Variants in SLC26A8 observed in about 807,000 individuals in gnomAD.
SLC26A8 encodes solute carrier family 26 member 8.
SLC26A8 carries 70 observed loss-of-function variants against 105.0 expected under a neutral mutation model. The ratio of observed to expected loss-of-function variants is 0.67; its 90% CI spans 0.55 to 0.81. SLC26A8 has a LOEUF of 0.81. Ranked by LOEUF, SLC26A8 falls within the 40% of genes least tolerant of loss-of-function variation. The pLI is 0.00. For synonymous variants in SLC26A8, 415 were observed against 438.3 expected (o/e 0.95, Z 0.66); for missense variants, 998 against 1,181.8 (o/e 0.84, Z 2.28).
intron 19 of SLC26A8, among the ~76,000 whole-genome samples, 157 bp downstream of exon 19, chr6:35,951,006 T>G (rs983741184): frequency 7.2e-5 from 11 of 152,120 alleles, no homozygotes; most frequent in African/African-American, 2.7e-4. Flanking sequence ...CATTTCAACA[T>G]CCCAGATTCT....
chr6:35,943,903 G>C lies in SLC26A8; in HGVS notation c.2910C>G (p.Val970=), dbSNP rs777450236. 6.2e-7 allele frequency: 1 copy of C among 1,613,050 alleles called. No homozygotes were observed. The part of the protein sequence containing the change: ...YSPEGNSNED[V] ...CCCCTTATTTCTAGTTCATCTCCTA[G>C]ACATCTTCATTGCTGTTGCCCTCTG... The change falls in exon 20 of 20, where the codon GTC becomes GTG. Residue 970 remains valine, a synonymous_variant. Coordinates refer to ENST00000490799, the MANE Select transcript of SLC26A8 (RefSeq NM_052961.4).
chr6:35,944,368 T>A (rs557036118), intron 19 of SLC26A8, 28 bp from the exon 20 acceptor site: 3 of 1,524,610 alleles, frequency 2.0e-6, no homozygotes, highest in Non-Finnish European at 2.7e-6. Context: ...GGGTTAAAAT[T>A]TCTAATTAAA....
intron 2 of SLC26A8, among the ~76,000 whole-genome samples, chr6:36,013,515 G>A (rs74692206): frequency 0.079 from 12,014 of 152,160 alleles, 523 homozygotes; most frequent in Non-Finnish European, 0.096. Flanking sequence ...TTGGCAAGTG[G>A]GTAGAGGCTA....
At chr6:35,946,047 C>G (rs1771645377) in intron 19 of SLC26A8, among the ~76,000 whole-genome samples, 1 of 152,102 alleles carries the variant, frequency 6.6e-6, no homozygotes, top group Non-Finnish European at 1.5e-5. Context: ...GATCCTGGGA[C>G]CTTTCTCTTG....
In SLC26A8 at chr6:35,968,970, CA is replaced by C. The variant is rs761957806; in HGVS notation, c.1288-17del. On this transcript the variant is annotated splice_polypyrimidine_tract_variant and intron_variant, in intron 10 of 19. Transcript: ENST00000490799. ...GAGATGCAAACTGAGGAGACAGAGCCAGTTGGAGAGAAACCATCAGGAACGT... is the reference window on the plus strand; with the variant it reads ...GAGATGCAAACTGAGGAGACAGAGCCGTTGGAGAGAAACCATCAGGAACGT... 7.5e-6 allele frequency: 12 copies of C among 1,609,864 alleles called. No homozygotes were observed. The South Asian group carries it at 1.3e-4, about 18-fold the overall frequency.
chr6:36,022,574 A>G (rs1418774522), intron 1 of SLC26A8, among the ~76,000 whole-genome samples: 1 of 152,152 alleles, frequency 6.6e-6, no homozygotes, highest in Non-Finnish European at 1.5e-5. Flanking sequence ...AAAACAGCCA[A>G]TTGGAGACCA....
intron 7 of SLC26A8, among the ~76,000 whole-genome samples, chr6:35,985,502 G>A (rs1004281273): frequency 1.3e-5 from 2 of 151,746 alleles, no homozygotes; most frequent in East Asian, 1.9e-4. Flanking sequence ...AGACCATCCT[G>A]GCCAACATGG....
Position 35,977,221 on chromosome 6 carries a change from T to A in SLC26A8, c.1156A>T (p.Ser386Cys), listed in dbSNP as rs887972884. ...GKKIASLHNY[S>C]VNSNQDLIAI... The stretch of plus-strand genomic sequence containing the variant: ...CCTCTCACCTGGTTGGAATTGACAC[T>A]GTAATTGTGAAGACTGGCAATCTTC... The change falls in exon 9 of 20, where the codon AGT (serine) becomes TGT (cysteine). Residue 386 changes from serine to cysteine, a missense_variant. Coordinates refer to ENST00000490799, the MANE Select transcript of SLC26A8 (RefSeq NM_052961.4). 1.2e-6 allele frequency: 2 copies of A among 1,613,878 alleles called. No homozygotes were observed. Among genetic ancestry groups the A allele is most frequent in the Non-Finnish European group, 1.7e-6 (2 of 1,179,980 alleles).
chr6:35,969,328 G>A (rs530933425), intron 10 of SLC26A8: 6 of 218,410 alleles, frequency 2.7e-5, no homozygotes, highest in East Asian at 1.3e-4. Context: ...GGCCGGGTGC[G>A]GTGGCTCACA....
chr6:35,979,528 G>A (rs1773186773), intron 8 of SLC26A8, among the ~76,000 whole-genome samples: 1 of 152,104 alleles, frequency 6.6e-6, no homozygotes, highest in African/African-American at 2.4e-5. Flanking sequence ...CGTTTTCCAG[G>A]TAATGAGCTA....
chr6:35,993,085 A>G (rs770444695), intron 5 of SLC26A8, among the ~76,000 whole-genome samples: 14 of 150,656 alleles, frequency 9.3e-5, no homozygotes, highest in African/African-American at 2.2e-4. Context: ...TGTAACCTCA[A>G]ACTCCTGGGC....
chr6:35,994,579 T>C (rs1274980916), intron 5 of SLC26A8, among the ~76,000 whole-genome samples: 2 of 142,918 alleles, frequency 1.4e-5, no homozygotes, highest in South Asian at 2.2e-4. Flanking sequence ...CATCATCTCT[T>C]TTTTTTTTTT....
chr6:35,973,464 C>T (rs1168599022), intron 10 of SLC26A8, among the ~76,000 whole-genome samples: 1 of 152,130 alleles, frequency 6.6e-6, no homozygotes, highest in Non-Finnish European at 1.5e-5. Context: ...CTGAGGCCTG[C>T]GGGGCCACAT....
Position 35,944,264 on chromosome 6 carries a change from A to G in SLC26A8, c.2549T>C (p.Ile850Thr), listed in dbSNP as rs770157059. 6.2e-7 allele frequency: 1 copy of G among 1,614,090 alleles called. No homozygotes were observed. Among genetic ancestry groups the G allele is most frequent in the South Asian group, 1.1e-5 (1 of 91,088 alleles). Residue 850 changes from isoleucine to threonine, a missense_variant, in exon 20 of 20, where the codon ATC becomes ACC. Physicochemically the swap from Ile to Thr is moderately conservative, Grantham distance 89. Coordinates refer to ENST00000490799, the MANE Select transcript of SLC26A8 (RefSeq NM_052961.4). ...QKNVSPGFIK[I>T]QQPVEEESEL... is the part of the protein sequence containing the mutation. ...CGACTCCTCTTCTACAGGCTGTTGG[A>G]TCTTGATGAAGCCTGGACTTACATT... is the stretch of plus-strand genomic sequence containing the variant.
intron 3 of SLC26A8, among the ~76,000 whole-genome samples, chr6:36,008,084 C>T (rs1024631675): frequency 3.6e-5 from 5 of 140,264 alleles, no homozygotes; most frequent in Admixed American, 3.1e-4. Flanking sequence ...TGAGCCATTG[C>T]ACTCCAGCCT....
chr6:35,948,604 AAAC>A (rs1771756228), intron 19 of SLC26A8, among the ~76,000 whole-genome samples: 3 of 134,238 alleles, frequency 2.2e-5, no homozygotes, highest in African/African-American at 8.2e-5. Flanking sequence ...ACAAAAACAA[AAAC>A]AAAAAACACT....
intron 7 of SLC26A8, among the ~76,000 whole-genome samples, chr6:35,989,185 C>G (rs1358566393): frequency 6.6e-6 from 1 of 152,122 alleles, no homozygotes; most frequent in African/African-American, 2.4e-5. Context: ...AACTGCCACC[C>G]TAACTAACAG....
chr6:35,955,773 C>G (rs1772038219), intron 16 of SLC26A8, among the ~76,000 whole-genome samples: 1 of 152,134 alleles, frequency 6.6e-6, no homozygotes, highest in Non-Finnish European at 1.5e-5. Context: ...CATCACTGTC[C>G]CAGTGAGCCA....
intron 9 of SLC26A8, 76 bp from the exon 10 acceptor site, chr6:35,975,564 T>G (rs978728157): frequency 2.9e-6 from 2 of 697,610 alleles, no homozygotes; most frequent in Non-Finnish European, 4.7e-6. Context: ...GGCATATGGT[T>G]TTTTTTTTTT....
Sources: allele counts gnomAD v4.1 joint callset (sites outside exome capture counted in the v4.1 genomes callset), GRCh38; gene constraint gnomAD v4.1.1; transcripts MANE v1.5; gene names NCBI Gene and HGNC (gene_info 2026-07-23, HGNC 2026-07-21).